Variants in FAM3B observed in about 807,000 individuals in gnomAD.
The protein encoded by FAM3B is FAM3 metabolism regulating signaling molecule B.
A neutral mutation model predicts 28.4 loss-of-function variants in FAM3B; 29 were observed. The observed-to-expected ratio is 1.02, with a 90% CI of 0.76 to 1.39. The LOEUF (loss-of-function observed/expected upper bound fraction) is 1.39, where lower values mean the gene tolerates loss of function less well. Ranked by LOEUF, FAM3B falls within the 40% of genes most tolerant of loss-of-function variation. The pLI, the probability that FAM3B is intolerant of heterozygous loss-of-function variation, is 0.00. For missense variants in FAM3B, 266 were observed against 293.9 expected, an observed-to-expected ratio of 0.91 and a Z score of 0.69; for synonymous variants, 91 against 103.0, an observed-to-expected ratio of 0.88 and a Z score of 0.71.
chr21:41,346,643 G>A (rs948129555), intron 5 of FAM3B, among the ~76,000 whole-genome samples: 1 of 151,930 alleles, frequency 6.6e-6, no homozygotes, highest in African/African-American at 2.4e-5. Flanking sequence ...GCTGCTGCTT[G>A]TTAAGAGTTT....
chr21:41,330,190 A>G (rs2088892521), intron 2 of FAM3B, among the ~76,000 whole-genome samples: 1 of 151,958 alleles, frequency 6.6e-6, no homozygotes, highest in African/African-American at 2.4e-5. Context: ...GAAAACACAC[A>G]ATCTGAAATG....
chr21:41,341,092 A>G (rs1196875694), intron 3 of FAM3B, among the ~76,000 whole-genome samples: 1 of 152,156 alleles, frequency 6.6e-6, no homozygotes, highest in East Asian at 1.9e-4. Context: ...CTTACATAAA[A>G]GGTGGTAAAC....
chr21:41,304,916 G>T (rs1256319640), intron 1 of FAM3B, among the ~76,000 whole-genome samples: 1 of 152,300 alleles, frequency 6.6e-6, no homozygotes, highest in Non-Finnish European at 1.5e-5. Flanking sequence ...GGGGCTGCTG[G>T]AGTGAAGGAG....
intron 7 of FAM3B, among the ~76,000 whole-genome samples, chr21:41,351,931 A>G (rs1005324483): frequency 1.3e-5 from 2 of 152,244 alleles, no homozygotes; most frequent in East Asian, 1.9e-4. Context: ...CCCCGACTGC[A>G]TGACCTGAGT....
intron 5 of FAM3B, 94 bp from the exon 6 acceptor site, chr21:41,346,919 G>A: frequency 1.8e-6 from 2 of 1,088,974 alleles, no homozygotes; most frequent in South Asian, 2.5e-5. Flanking sequence ...ATTCAGAATG[G>A]ACACAGAATG....
In FAM3B at chr21:41,326,032, TAAAC is replaced by T. The variant is rs1448764663; in HGVS notation, c.163+2971_163+2974del. Among the ~76,000 whole-genome samples, 4 of 152,224 alleles carry T rather than the reference TAAAC, an allele frequency of 2.6e-5. No homozygotes were observed. The highest frequency in any genetic ancestry group is 5.9e-5 in the Non-Finnish European group (4 of 68,044). On this transcript the variant is annotated intron_variant, in intron 2 of 7. Transcript: ENST00000357985. This position sits in a 1 kb window ranked among gnomAD's most constrained non-coding sequence, Gnocchi z 4.0. Reference sequence around the variant, plus strand: ...TGTTGCTGCTGGAGGCTTTCAGTCTTAAACAAACCAGCTTTTCATGAGGCATAAG... The same window carrying T: ...TGTTGCTGCTGGAGGCTTTCAGTCTTAAACCAGCTTTTCATGAGGCATAAG...
intron 2 of FAM3B, among the ~76,000 whole-genome samples, chr21:41,333,823 A>G (rs1479856646): frequency 6.6e-6 from 1 of 152,190 alleles, no homozygotes; most frequent in Admixed American, 6.5e-5. Context: ...GGAACTTCCT[A>G]GAGACTAGTT....
intron 7 of FAM3B, among the ~76,000 whole-genome samples, chr21:41,352,055 A>G (rs925755124): frequency 6.6e-6 from 1 of 152,130 alleles, no homozygotes; most frequent in Non-Finnish European, 1.5e-5. Context: ...CATCATTCTC[A>G]TCGCCTCCAG....
chr21:41,306,814 C>T lies in FAM3B; in HGVS notation n.99+2504C>T, dbSNP rs576025552. Among the ~76,000 whole-genome samples the T allele has an allele frequency of 5.9e-5, 9 of 152,184 alleles. No individual in the cohort carries two copies. The South Asian group carries it at 1.7e-3, about 28-fold the overall frequency. ...ATTGTGTTACCTGGATGTTATATTGCTTAGTGGGGAAGTCTGGGATTTTAG... is the reference window on the plus strand; with the variant it reads ...ATTGTGTTACCTGGATGTTATATTGTTTAGTGGGGAAGTCTGGGATTTTAG... On this transcript the variant is annotated intron_variant and non_coding_transcript_variant, in intron 1 of 9. Coordinates refer to the FAM3B transcript ENST00000479810.
intron 2 of FAM3B, among the ~76,000 whole-genome samples, chr21:41,333,981 CT>C (rs2088929915): frequency 1.3e-5 from 2 of 152,208 alleles, no homozygotes; most frequent in Admixed American, 1.3e-4. Flanking sequence ...CATTGTGCCC[CT>C]GACCTAGGGA....
intron 1 of FAM3B, among the ~76,000 whole-genome samples, chr21:41,319,067 A>T (rs975804690): frequency 6.6e-6 from 1 of 151,906 alleles, no homozygotes; most frequent in Non-Finnish European, 1.5e-5. Flanking sequence ...TAATTTTTTT[A>T]AACTTTTTGT....
intron 3 of FAM3B, among the ~76,000 whole-genome samples, chr21:41,339,738 T>A (rs1056395665): frequency 2.0e-5 from 3 of 152,160 alleles, no homozygotes; most frequent in Non-Finnish European, 2.9e-5. Context: ...GATTTAAAAA[T>A]ATTTTATTAA....
At position 41,308,939 on chromosome 21, in the gene FAM3B, T is replaced by C; in HGVS notation, n.99+4629T>C. On this transcript the variant is annotated intron_variant and non_coding_transcript_variant, in intron 1 of 9. Coordinates refer to the FAM3B transcript ENST00000479810. ...GAGGTCAGCAGAAGCATGTGGATCT[T>C]CCCTTGCCCTTGACCTGGTGACCTC... Among the ~76,000 whole-genome samples, 2 of 152,076 alleles carry C rather than the reference T, an allele frequency of 1.3e-5. 1 individual carries two copies. Among genetic ancestry groups the C allele is most frequent in the Non-Finnish European group, 2.9e-5 (2 of 68,016 alleles).
At chr21:41,322,473 T>C (rs927218201) in intron 1 of FAM3B, 33 of 662,004 alleles carry the variant, frequency 5.0e-5, no homozygotes, top group Middle Eastern at 7.0e-4. Context: ...GCTGGTGATA[T>C]GGAAATCAAC....
chr21:41,343,717 T>C (rs1242554105), intron 3 of FAM3B, among the ~76,000 whole-genome samples: 1 of 152,258 alleles, frequency 6.6e-6, no homozygotes, highest in African/African-American at 2.4e-5. Context: ...ATTTCTGTGA[T>C]CTTCAGCAAT....
At chr21:41,340,980 A>G (rs2089001697) in intron 3 of FAM3B, among the ~76,000 whole-genome samples, 1 of 152,184 alleles carries the variant, frequency 6.6e-6, no homozygotes, top group Non-Finnish European at 1.5e-5. Flanking sequence ...ATGCATGTAT[A>G]CATGTGAATA....
intron 1 of FAM3B, among the ~76,000 whole-genome samples, chr21:41,322,213 A>T (rs2088812958): frequency 6.6e-6 from 1 of 152,188 alleles, no homozygotes; most frequent in Non-Finnish European, 1.5e-5. Flanking sequence ...CTGGTGACCC[A>T]GGAGGAGATC....
intron 2 of FAM3B, among the ~76,000 whole-genome samples, chr21:41,328,137 A>G (rs2088870130): frequency 6.6e-6 from 1 of 152,202 alleles, no homozygotes; most frequent in Non-Finnish European, 1.5e-5. Context: ...GAAAGTGGAC[A>G]GGTCTGTGCG....
chr21:41,321,602 T>C lies in FAM3B; in HGVS notation c.20-1321T>C, dbSNP rs952962530. 5.9e-5 allele frequency among the ~76,000 whole-genome samples: 9 copies of C among 152,274 alleles called. 1 individual carries two copies. The highest frequency in any genetic ancestry group is 1.9e-4 in the East Asian group (1 of 5,188). ...CTAACAATCTTAGCAGTTTGGAAAT[T>C]CGAAATTTAAAAATGGTGTTGAAAT... On this transcript the variant is annotated intron_variant, in intron 1 of 7. Coordinates refer to ENST00000357985, the MANE Select transcript of FAM3B (RefSeq NM_058186.4).
Sources: allele counts gnomAD v4.1 joint callset (sites outside exome capture counted in the v4.1 genomes callset), GRCh38; gene constraint gnomAD v4.1.1; non-coding constraint Gnocchi (gnomAD v3.1); transcripts MANE v1.5; gene names NCBI Gene and HGNC (gene_info 2026-07-23, HGNC 2026-07-21).